The following NXPE2 variants were observed in gnomAD, a reference collection of about 807,000 sequenced individuals.
NXPE2 encodes the protein neurexophilin and PC-esterase domain family member 2.
NXPE2 carries 34 observed loss-of-function variants against 34.4 expected under a neutral mutation model. The ratio of observed to expected loss-of-function variants is 0.99; its 90% CI spans 0.75 to 1.31. The LOEUF (loss-of-function observed/expected upper bound fraction) is 1.31. Among genes scored for constraint, NXPE2 ranks in the 40% most tolerant of loss-of-function variants. The probability of loss-of-function intolerance (pLI) is 0.00; values close to 1 mark genes in which losing one functional copy is unlikely to be tolerated. For missense variants in NXPE2, 649 were observed against 672.5 expected (o/e 0.97, Z 0.39); for synonymous variants, 235 against 231.3 (o/e 1.02, Z -0.15).
the NXPE2 span, among the ~76,000 whole-genome samples, chr11:114,624,276 C>T: frequency 0.19 from 29,312 of 151,912 alleles, 3,397 homozygotes; most frequent in African/African-American, 0.33. Flanking sequence ...AATATTGCCT[C>T]GTGAGTAACC....
At chr11:114,609,059 C>T in the NXPE2 span, among the ~76,000 whole-genome samples, 6 of 151,774 alleles carry the variant, frequency 4.0e-5, no homozygotes, top group South Asian at 2.1e-4. Flanking sequence ...AGTATTGCCT[C>T]GTGGGTAACC....
Position 114,695,309 on chromosome 11 carries a change from C to T in NXPE2, c.133-2736C>T, listed in dbSNP as rs550555183. Among the ~76,000 whole-genome samples, 3 of 152,258 alleles carry T rather than the reference C, an allele frequency of 2.0e-5. No homozygotes were observed. In the South Asian group the frequency reaches 6.2e-4, roughly 32 times the overall value. On this transcript the variant is annotated intron_variant, in intron 2 of 5. Coordinates refer to ENST00000389586, the MANE Select transcript of NXPE2 (RefSeq NM_182495.6). The stretch of plus-strand genomic sequence containing the variant: ...TAAGATGTGCAGGAGGGGAAGCATT[C>T]TGTAGTACTGTGATTTAGTCCCAGT...
the NXPE2 span, among the ~76,000 whole-genome samples, chr11:114,750,373 T>A: frequency 2.4e-4 from 36 of 152,214 alleles, no homozygotes; most frequent in Non-Finnish European, 1.5e-5. Context: ...TGAAAAAGAT[T>A]TACTGAGCAA....
chr11:114,467,653 C>T, the NXPE2 span, among the ~76,000 whole-genome samples: 9 of 152,048 alleles, frequency 5.9e-5, no homozygotes, highest in East Asian at 1.9e-4. Flanking sequence ...TCAAAACTAT[C>T]GGCGGGTGCA....
the NXPE2 span, among the ~76,000 whole-genome samples, chr11:114,544,578 T>C: frequency 6.6e-6 from 1 of 152,150 alleles, no homozygotes; most frequent in Admixed American, 6.5e-5. Context: ...AAGTTAACTC[T>C]AAATGGATGA....
chr11:114,734,112 A>G, the NXPE2 span, among the ~76,000 whole-genome samples: 1 of 152,128 alleles, frequency 6.6e-6, no homozygotes, highest in African/African-American at 2.4e-5. Context: ...TTTCAATAGA[A>G]CTTATCTTTT....
At chr11:114,655,335 C>T in the NXPE2 span, among the ~76,000 whole-genome samples, 1 of 152,090 alleles carries the variant, frequency 6.6e-6, no homozygotes, top group African/African-American at 2.4e-5. Flanking sequence ...TTAATTAGAT[C>T]CCATTTGTCA....
chr11:114,618,562 GATA>G, the NXPE2 span, among the ~76,000 whole-genome samples: 1 of 151,952 alleles, frequency 6.6e-6, no homozygotes. Context: ...TTACCCAGTG[GATA>G]ATAAGTATTG....
chr11:114,601,141 G>A, the NXPE2 span, among the ~76,000 whole-genome samples: 2 of 151,634 alleles, frequency 1.3e-5, no homozygotes, highest in African/African-American at 4.8e-5. Flanking sequence ...TTTTGGTTAT[G>A]TGGATGAATT....
chr11:114,747,491 T>C, the NXPE2 span, among the ~76,000 whole-genome samples: 1 of 152,204 alleles, frequency 6.6e-6, no homozygotes, highest in African/African-American at 2.4e-5. Flanking sequence ...TCTGAGGGTA[T>C]GTAATTTATA....
the NXPE2 span, among the ~76,000 whole-genome samples, chr11:114,781,296 C>G: frequency 6.6e-6 from 1 of 152,200 alleles, no homozygotes; most frequent in Admixed American, 6.5e-5. Context: ...GAGCAGGGCA[C>G]AGAAGACAGA....
chr11:114,761,622 G>A, the NXPE2 span, among the ~76,000 whole-genome samples: 11 of 143,288 alleles, frequency 7.7e-5, no homozygotes, highest in African/African-American at 1.9e-4. Flanking sequence ...GCCGGACTGC[G>A]GACGGCAGTG....
chr11:114,678,074 C>G (rs1235250450), upstream of NXPE2, among the ~76,000 whole-genome samples: 2 of 152,026 alleles, frequency 1.3e-5, no homozygotes, highest in African/African-American at 4.8e-5. Context: ...TGGTTTAGAG[C>G]AAGAGAAAGT....
chr11:114,801,698 G>A, the NXPE2 span, among the ~76,000 whole-genome samples: 22,163 of 152,130 alleles, frequency 0.15, 1,617 homozygotes, highest in South Asian at 0.18. Context: ...GCAGATGGGA[G>A]ATTTATTTTA....
the NXPE2 span, among the ~76,000 whole-genome samples, chr11:114,524,341 C>T: frequency 6.6e-6 from 1 of 152,198 alleles, no homozygotes. Context: ...TTCTGCTTTA[C>T]CCTCCTTGCT....
At chr11:114,602,894 T>C in the NXPE2 span, among the ~76,000 whole-genome samples, 1 of 148,498 alleles carries the variant, frequency 6.7e-6, no homozygotes, top group Non-Finnish European at 1.5e-5. Context: ...AATTATCTAA[T>C]ATATAATTAC....
the NXPE2 span, among the ~76,000 whole-genome samples, chr11:114,653,471 G>A: frequency 0.1 from 15,284 of 150,346 alleles, 1,003 homozygotes; most frequent in African/African-American, 0.18. Flanking sequence ...TTTAACCCTT[G>A]GGTGCTTGTA....
the NXPE2 span, among the ~76,000 whole-genome samples, chr11:114,759,375 A>G: frequency 2.0e-5 from 3 of 152,130 alleles, no homozygotes; most frequent in Non-Finnish European, 2.9e-5. Context: ...TTATCTGTAA[A>G]ATGGGGATAA....
the NXPE2 span, among the ~76,000 whole-genome samples, chr11:114,723,629 G>A: frequency 6.6e-6 from 1 of 152,058 alleles, no homozygotes; most frequent in East Asian, 1.9e-4. Context: ...TATTTACCTT[G>A]GCCTGCCTGG....
Sources: gnomAD v4.1 joint callset for allele counts (sites outside exome capture counted in the v4.1 genomes callset) on GRCh38, gnomAD v4.1.1 for gene constraint, MANE v1.5 for transcripts, NCBI Gene and HGNC (gene_info 2026-07-23, HGNC 2026-07-21) for gene names.